The following ZMIZ2 variants were observed in gnomAD, a reference collection of about 807,000 sequenced individuals.
The protein encoded by ZMIZ2 is zinc finger MIZ-type containing 2.
A neutral mutation model predicts 93.9 loss-of-function variants in ZMIZ2; 26 were observed. The ratio of observed to expected loss-of-function variants is 0.28; its 90% CI spans 0.20 to 0.38. The LOEUF (loss-of-function observed/expected upper bound fraction) is 0.38, where lower values mean the gene tolerates loss of function less well. Ranked by LOEUF, ZMIZ2 falls within the 10% of genes least tolerant of loss-of-function variation. The pLI is 1.00. For synonymous variants in ZMIZ2, 485 were observed against 516.4 expected (o/e 0.94, Z 0.82); for missense variants, 1,023 against 1,235.0 (o/e 0.83, Z 2.57).
At chr7:44,755,354 T>C (rs993895412) in intron 1 of ZMIZ2, among the ~76,000 whole-genome samples, 1 of 152,156 alleles carries the variant, frequency 6.6e-6, no homozygotes, top group African/African-American at 2.4e-5. Flanking sequence ...CCCTGCCCTC[T>C]CCTGGGGGTG....
In ZMIZ2 at chr7:44,756,640, A is replaced by G; in HGVS notation, c.165+101A>G. ...AGCTCTGAGAGACGAAGAGGCTGAG[A>G]GGTGAGGACAGAGAGGCTGAGGCAT... On this transcript the variant is annotated intron_variant, in intron 3 of 18. Transcript: ENST00000309315. 4 of 1,300,892 alleles carry G rather than the reference A, an allele frequency of 3.1e-6. No individual in the cohort carries two copies. In the East Asian group the frequency reaches 9.4e-5, roughly 31 times the overall value. 80.6% of individuals were successfully genotyped at this position (1,300,892 alleles called of 1,614,324 possible).
At chr7:44,759,756 C>T (rs1013886300) in intron 7 of ZMIZ2, 5 of 459,134 alleles carry the variant, frequency 1.1e-5, no homozygotes, top group African/African-American at 8.1e-5. Flanking sequence ...GGTGGGTACC[C>T]AAAACATTTG....
chr7:44,759,100 A>C (rs991318774), intron 6 of ZMIZ2, among the ~76,000 whole-genome samples, 181 bp from the exon 7 acceptor site: 9 of 150,322 alleles, frequency 6.0e-5, no homozygotes, highest in African/African-American at 2.2e-4. Flanking sequence ...AAAAAAAAAA[A>C]AAAAAAACAG....
rs1790601488 is a variant in ZMIZ2 at position 44,756,480 on chromosome 7, G to T, written c.106G>T (p.Ala36Ser). 1 of 1,613,964 alleles carries T rather than the reference G, an allele frequency of 6.2e-7. No individual in the cohort carries two copies. Among genetic ancestry groups the T allele is most frequent in the Non-Finnish European group, 8.5e-7 (1 of 1,180,038 alleles). The change falls in exon 3 of 19, where the codon GCT becomes TCT. Residue 36 changes from alanine (A) to serine (S), a missense_variant. Physicochemically the swap from Ala to Ser is moderately conservative, Grantham distance 99. Transcript: ENST00000309315. Reference sequence around the variant, plus strand: ...TTGGCAACAAAGCGCCACTCAGCCGGCTGGATCGCTGTCTGTGGTCACTAC... The same window carrying T: ...TTGGCAACAAAGCGCCACTCAGCCGTCTGGATCGCTGTCTGTGGTCACTAC... Reference protein sequence around the residue: ...VPWQQSATQPAGSLSVVTTVW... With the variant: ...VPWQQSATQPSGSLSVVTTVW...
Position 44,763,623 on chromosome 7 carries a change from A to G in ZMIZ2, c.1860+210A>G, listed in dbSNP as rs139954243. 819 of 642,096 alleles carry G rather than the reference A, an allele frequency of 1.3e-3. 7 individuals are homozygous for G. The Admixed American group carries it at 0.022, about 17-fold the overall frequency. 39.8% of individuals were successfully genotyped at this position (642,096 alleles called of 1,614,324 possible). A position where few individuals can be genotyped will look rare whatever the true frequency, so the allele number is the denominator to read the frequency against. On this transcript the variant is annotated intron_variant, in intron 13 of 18. Transcript: ENST00000309315. This position sits in a 1 kb window ranked among gnomAD's most constrained non-coding sequence, Gnocchi z 5.6. ...TTCCAAATATAATTGTCATTTTACT[A>G]ACTTTTTTACTGCCTGCTTCATTCA...
chr7:44,754,677 A>G (rs1051352315), intron 1 of ZMIZ2, among the ~76,000 whole-genome samples: 2 of 152,002 alleles, frequency 1.3e-5, no homozygotes, highest in African/African-American at 4.8e-5. Context: ...ATGCGGGGCC[A>G]CCCTCTCCTG....
intron 11 of ZMIZ2, among the ~76,000 whole-genome samples, chr7:44,762,675 C>T (rs1320588498): frequency 6.6e-6 from 1 of 152,194 alleles, no homozygotes; most frequent in African/African-American, 2.4e-5. Flanking sequence ...GTGGGCAGGG[C>T]GCTGAGGCCA....
At chr7:44,756,596 G>A in intron 3 of ZMIZ2, 57 bp downstream of exon 3, 1 of 1,553,458 alleles carries the variant, frequency 6.4e-7, no homozygotes, top group East Asian at 2.2e-5. Flanking sequence ...GCACTTGGCA[G>A]TGCTTAGTGC....
chr7:44,754,815 A>C (rs751073275), intron 1 of ZMIZ2, among the ~76,000 whole-genome samples: 1 of 152,170 alleles, frequency 6.6e-6, no homozygotes, highest in Non-Finnish European at 1.5e-5. Flanking sequence ...CAAGGCGAGC[A>C]TGCCTGGGGA....
intron 2 of ZMIZ2, 28 bp from the exon 3 acceptor site, chr7:44,756,397 C>G: frequency 6.2e-7 from 1 of 1,613,904 alleles, no homozygotes; most frequent in Non-Finnish European, 8.5e-7. Flanking sequence ...CTTCCTGACC[C>G]AGGCCTCAGC....
rs1790694828 is a variant in ZMIZ2, at chr7:44,757,363, C to T, written c.369-15C>T. On this transcript the variant is annotated splice_polypyrimidine_tract_variant and intron_variant, in intron 4 of 18. Transcript: ENST00000309315. ...AGCCCACGCAGAGAGCGTGGCAATC[C>T]TGTGTCTCCTGCAGGTATGCAGGCG... is the stretch of plus-strand genomic sequence containing the variant. 6.3e-7 allele frequency: 1 copy of T among 1,595,702 alleles called. No homozygotes were observed. The highest frequency in any genetic ancestry group is 8.5e-7 in the Non-Finnish European group (1 of 1,176,950).
intron 1 of ZMIZ2, among the ~76,000 whole-genome samples, chr7:44,751,915 T>C (rs1299576976): frequency 1.3e-5 from 2 of 151,172 alleles, no homozygotes; most frequent in Non-Finnish European, 2.9e-5. Context: ...TGAGCCTAGA[T>C]CGTGCCACTG....
At chr7:44,760,745 G>T in intron 9 of ZMIZ2, 152 bp downstream of exon 9, 1 of 993,160 alleles carries the variant, frequency 1.0e-6, no homozygotes, top group Non-Finnish European at 1.5e-6. Context: ...GCTCACACTT[G>T]TAATCCCAGC....
Position 44,764,599 on chromosome 7 carries a change from T to C in ZMIZ2, c.1928+113T>C, listed in dbSNP as rs1228462927. 4 of 1,224,122 alleles carry C rather than the reference T, an allele frequency of 3.3e-6. No homozygotes were observed. In the African/African-American group the frequency reaches 6.0e-5, roughly 18 times the overall value. The allele number at this position is 1,224,122 out of a possible 1,614,324, so 75.8% of individuals were successfully genotyped here. The stretch of plus-strand genomic sequence containing the variant: ...ATACGAGCCTGCTGGGAGGAGTCAC[T>C]GCATGGACTGGGGTTGTGCAGCTCA... On this transcript the variant is annotated intron_variant, in intron 14 of 18. Coordinates refer to ENST00000309315, the MANE Select transcript of ZMIZ2 (RefSeq NM_031449.4).
In ZMIZ2 at chr7:44,765,501, G is replaced by T; in HGVS notation, c.2164G>T (p.Ala722Ser). The T allele has an allele frequency of 6.3e-7, 1 of 1,599,020 alleles. No individual in the cohort carries two copies. The highest frequency in any genetic ancestry group is 8.5e-7 in the Non-Finnish European group (1 of 1,179,472). ...LMPSVMEMIAALGPGAAPFAP... is the reference protein window; with the variant it reads ...LMPSVMEMIASLGPGAAPFAP... ...GCCCAGCGTGATGGAGATGATCGCCGCCCTGGGCCCCGGCGCTGCCCCCTT... is the reference window on the plus strand; with the variant it reads ...GCCCAGCGTGATGGAGATGATCGCCTCCCTGGGCCCCGGCGCTGCCCCCTT... Residue 722 changes from alanine (A) to serine (S), a missense_variant, in exon 16 of 19, where the codon GCC (alanine) becomes TCC (serine). Around this residue, in one of 3 missense-constraint regions of ZMIZ2, gnomAD observed 319 missense variants for 358.8 expected, o/e 0.89. Transcript: ENST00000309315. This position sits in a 1 kb window ranked among gnomAD's most constrained non-coding sequence, Gnocchi z 4.1.
chr7:44,749,794 CTTTAA>C (rs1347508570), intron 1 of ZMIZ2: 1 of 152,288 alleles, frequency 6.6e-6, no homozygotes, highest in African/African-American at 2.4e-5. Flanking sequence ...ATGGTGGTGT[CTTTAA>C]TTTGTGTCAT....
intron 1 of ZMIZ2, 104 bp from the exon 2 acceptor site, chr7:44,756,084 T>G: frequency 2.3e-6 from 2 of 861,494 alleles, no homozygotes; most frequent in Non-Finnish European, 3.7e-6. Context: ...AGGGGTCCCT[T>G]ATTGAGAAAG....
intron 6 of ZMIZ2, among the ~76,000 whole-genome samples, chr7:44,758,913 CAA>C (rs898517700): frequency 4.7e-4 from 36 of 77,370 alleles, no homozygotes; most frequent in Admixed American, 1.0e-3. Context: ...GACTCCATCT[CAA>C]AAAAAAAAAA....
chr7:44,762,808 A>G (rs779465716), intron 11 of ZMIZ2, 73 bp from the exon 12 acceptor site: 162 of 835,382 alleles, frequency 1.9e-4, no homozygotes, highest in Non-Finnish European at 2.3e-4. Context: ...CACAACCCCC[A>G]GCACACCCTT....
Sources: allele counts gnomAD v4.1 joint callset (sites outside exome capture counted in the v4.1 genomes callset), GRCh38; gene constraint gnomAD v4.1.1; regional missense constraint gnomAD v4.1.1; non-coding constraint Gnocchi (gnomAD v3.1); transcripts MANE v1.5; gene names NCBI Gene and HGNC (gene_info 2026-07-23, HGNC 2026-07-21).